The following SANBR variants were observed in gnomAD, a reference collection of about 807,000 sequenced individuals.
The protein encoded by SANBR is SANT and BTB domain regulator of class switch recombination.
SANBR carries 77 observed loss-of-function variants against 101.8 expected under a neutral mutation model. That is an observed-to-expected ratio of 0.76 (90% confidence interval 0.63 to 0.91). The LOEUF (loss-of-function observed/expected upper bound fraction) is 0.91. SANBR is among the 40% of genes least tolerant of loss of function. The pLI is 0.00. For synonymous variants in SANBR, 279 were observed against 274.7 expected, an observed-to-expected ratio of 1.02 and a Z score of -0.15; for missense variants, 875 against 853.0, an observed-to-expected ratio of 1.03 and a Z score of -0.32.
chr2:61,127,277 C>T (rs987939858), downstream of SANBR, among the ~76,000 whole-genome samples: 10 of 152,082 alleles, frequency 6.6e-5, no homozygotes, highest in African/African-American at 4.8e-5. Context: ...GTCCCCAGCC[C>T]GGCATCATTT....
chr2:61,120,725 C>T (rs546762353), intron 20 of SANBR, among the ~76,000 whole-genome samples: 3 of 151,072 alleles, frequency 2.0e-5, no homozygotes, highest in Non-Finnish European at 3.0e-5. Context: ...ATGCTGTCTC[C>T]AAAAAAAAGG....
In SANBR at chr2:61,123,063, T is replaced by G; in HGVS notation, c.*901T>G. 1 of 971,868 alleles carries G rather than the reference T, an allele frequency of 1.0e-6. No individual in the cohort carries two copies. The highest frequency in any genetic ancestry group is 1.2e-6 in the Non-Finnish European group (1 of 817,420). The allele number at this position is 971,868 out of a possible 1,614,324, so 60.2% of individuals were successfully genotyped here. On this transcript the variant is annotated 3_prime_UTR_variant, in exon 22 of 22. Coordinates refer to ENST00000402291, the MANE Select transcript of SANBR (RefSeq NM_001129993.3). ...CCAAATACATTAGATAGGTGAAAAT[T>G]TGCATATATTCAAGAAAAATCAAAA...
intron 16 of SANBR, among the ~76,000 whole-genome samples, chr2:61,113,652 G>A (rs1683940383): frequency 6.6e-6 from 1 of 152,158 alleles, no homozygotes; most frequent in African/African-American, 2.4e-5. Context: ...ATTGATGTTT[G>A]TATATTGACT....
At chr2:61,105,974 CTGTTCT>C (rs1683544932) in intron 13 of SANBR, among the ~76,000 whole-genome samples, 1 of 152,178 alleles carries the variant, frequency 6.6e-6, no homozygotes, top group Non-Finnish European at 1.5e-5. Context: ...CCAGCCAAGG[CTGTTCT>C]TAAAGCAGTA....
intron 11 of SANBR, chr2:61,094,196 C>A (rs1052242597): frequency 1.8e-5 from 6 of 329,638 alleles, no homozygotes; most frequent in African/African-American, 9.0e-5. Flanking sequence ...ACAGTGCTTA[C>A]AATTGTATAA....
At position 61,073,558 on chromosome 2, in the gene SANBR, G is replaced by A. The variant is rs1468658122; in HGVS notation, c.431+7G>A. 3.3e-6 allele frequency: 5 copies of A among 1,523,516 alleles called. No individual in the cohort carries two copies. The highest frequency in any genetic ancestry group is 1.9e-5 in the Admixed American group (1 of 53,284). The allele number at this position is 1,523,516 out of a possible 1,614,324, so 94.4% of individuals were successfully genotyped here. ...TGACTGAAGAATCTGAAGGGTAGGC[G>A]GCTGGTTGTTTGCTAGATAAGATTA... is the stretch of plus-strand genomic sequence containing the variant. On this transcript the variant is annotated splice_region_variant and intron_variant, in intron 5 of 21. Coordinates refer to ENST00000402291, the MANE Select transcript of SANBR (RefSeq NM_001129993.3).
chr2:61,076,197 G>A (rs988579487), intron 5 of SANBR, among the ~76,000 whole-genome samples: 1 of 150,856 alleles, frequency 6.6e-6, no homozygotes, highest in African/African-American at 2.4e-5. Context: ...GTTTCACCAT[G>A]TTAGCCAAGA....
In SANBR at chr2:61,117,539, C is replaced by T. The variant is rs761990557; in HGVS notation, c.1938C>T (p.Asp646=). ...TCAACCAGGATGCACAAAGAGAAGACGGTAAATTTTATTATTTGGGTAATG... is the reference window on the plus strand; with the variant it reads ...TCAACCAGGATGCACAAAGAGAAGATGGTAAATTTTATTATTTGGGTAATG... ...LRFNQDAQRE[D]DQRRMTEITG... is the part of the protein sequence containing the mutation. Residue 646 remains aspartate (D), a splice_region_variant and synonymous_variant, in exon 19 of 22, where the codon GAC becomes GAT. Coordinates refer to ENST00000402291, the MANE Select transcript of SANBR (RefSeq NM_001129993.3). 2.4e-5 allele frequency: 39 copies of T among 1,610,842 alleles called. No individual in the cohort carries two copies. The highest frequency in any genetic ancestry group is 4.5e-5 in the East Asian group (2 of 44,824).
intron 21 of SANBR, among the ~76,000 whole-genome samples, chr2:61,136,608 G>A (rs1334198157): frequency 3.3e-5 from 5 of 150,390 alleles, no homozygotes; most frequent in Non-Finnish European, 4.4e-5. Flanking sequence ...CAGCCTGGGC[G>A]ACAGAGCGAG....
chr2:61,072,236 G>GCCTGA (rs1681513433), intron 4 of SANBR, among the ~76,000 whole-genome samples: 1 of 152,062 alleles, frequency 6.6e-6, no homozygotes, highest in Non-Finnish European at 1.5e-5. Flanking sequence ...ACTGCACCTG[G>GCCTGA]CCTGAATTTT....
At chr2:61,099,658 C>G (rs186307427) in intron 12 of SANBR, among the ~76,000 whole-genome samples, 57 of 152,214 alleles carry the variant, frequency 3.7e-4, no homozygotes, top group Admixed American at 1.5e-3. Flanking sequence ...AGTTTTCTTG[C>G]AATAGATGAT....
intron 4 of SANBR, among the ~76,000 whole-genome samples, chr2:61,072,093 G>C (rs560354806): frequency 2.6e-5 from 4 of 151,874 alleles, no homozygotes; most frequent in Middle Eastern, 3.4e-3. Flanking sequence ...GTGCACCACC[G>C]TGCTTGGCTA....
intron 20 of SANBR, among the ~76,000 whole-genome samples, chr2:61,118,818 C>T (rs1684204353): frequency 6.6e-6 from 1 of 152,106 alleles, no homozygotes; most frequent in Non-Finnish European, 1.5e-5. Flanking sequence ...CCTCAGCCTC[C>T]TAAAGTACTG....
At chr2:61,124,292 A>C, downstream of SANBR, 1 of 952,056 alleles carries the variant, frequency 1.1e-6, no homozygotes, top group African/African-American at 1.8e-5. Flanking sequence ...TTGTTTGGAA[A>C]GTCTCTTTAT....
intron 8 of SANBR, among the ~76,000 whole-genome samples, chr2:61,085,207 T>C (rs905308136): frequency 2.6e-5 from 4 of 152,206 alleles, no homozygotes; most frequent in Admixed American, 1.3e-4. Context: ...GATGAGACCA[T>C]ACTTTTTTTG....
intron 16 of SANBR, 84 bp downstream of exon 16, chr2:61,109,380 T>C: frequency 1.4e-6 from 1 of 697,302 alleles, no homozygotes; most frequent in Non-Finnish European, 2.3e-6. Flanking sequence ...GATGGGGAAT[T>C]GGTTTTATAT....
At chr2:61,116,381 C>G (rs1458043450) in intron 17 of SANBR, among the ~76,000 whole-genome samples, 1 of 152,064 alleles carries the variant, frequency 6.6e-6, no homozygotes. Flanking sequence ...TTGGTTGCCT[C>G]TCAGGAAGGG....
chr2:61,111,422 T>A (rs995966164), intron 16 of SANBR, among the ~76,000 whole-genome samples: 1 of 152,114 alleles, frequency 6.6e-6, no homozygotes, highest in African/African-American at 2.4e-5. Flanking sequence ...ACATGCTGCC[T>A]TCCCTTTATC....
intron 20 of SANBR, among the ~76,000 whole-genome samples, chr2:61,130,957 A>AAAAAAAAAAAC: frequency 6.6e-6 from 1 of 150,438 alleles, no homozygotes; most frequent in Non-Finnish European, 1.5e-5. Context: ...AAAAAAAAAA[A>AAAAAAAAAAAC]AGTCTCACAA....
Sources: gnomAD v4.1 joint callset for allele counts (sites outside exome capture counted in the v4.1 genomes callset) on GRCh38, gnomAD v4.1.1 for gene constraint, MANE v1.5 for transcripts, NCBI Gene and HGNC (gene_info 2026-07-23, HGNC 2026-07-21) for gene names.